Variants in SYCP2L observed in about 807,000 individuals in gnomAD.
SYCP2L encodes synaptonemal complex protein 2-like.
A neutral mutation model predicts 125.8 loss-of-function variants in SYCP2L; 98 were observed. That is an observed-to-expected ratio of 0.78 (90% CI 0.66 to 0.92). The LOEUF is 0.92. Among genes scored for constraint, SYCP2L ranks in the 40% least tolerant of loss-of-function variants. The pLI is 0.00. For missense variants in SYCP2L, 842 were observed against 936.4 expected (o/e 0.90, Z 1.32); for synonymous variants, 317 against 325.4 (o/e 0.97, Z 0.28).
At chr6:10,965,185 G>A (rs1781658520) in intron 29 of SYCP2L, among the ~76,000 whole-genome samples, 1 of 152,150 alleles carries the variant, frequency 6.6e-6, no homozygotes, top group Non-Finnish European at 1.5e-5. Context: ...GATGAGGAGA[G>A]TCCAACCAGA....
chr6:10,930,223 A>G, intron 18 of SYCP2L, 147 bp from the exon 19 acceptor site: 1 of 745,004 alleles, frequency 1.3e-6, no homozygotes. Flanking sequence ...CTTCCACTCC[A>G]TACTTCTTTG....
chr6:10,897,841 A>C (rs1047037873), intron 4 of SYCP2L, among the ~76,000 whole-genome samples, 170 bp from the exon 5 acceptor site: 1 of 152,218 alleles, frequency 6.6e-6, no homozygotes, highest in Non-Finnish European at 1.5e-5. Flanking sequence ...GTATGGCACC[A>C]TCCTGAAGTG....
At chr6:10,933,719 T>G (rs1781040555) in intron 20 of SYCP2L, among the ~76,000 whole-genome samples, 1 of 152,218 alleles carries the variant, frequency 6.6e-6, no homozygotes, top group South Asian at 2.1e-4. Flanking sequence ...CAATAGCATT[T>G]ATACCAAACT....
chr6:10,891,418 A>ATTTTTTTTTTTT (rs61237589), intron 1 of SYCP2L, 95 bp from the exon 2 acceptor site: 1 of 448,362 alleles, frequency 2.2e-6, no homozygotes, highest in Non-Finnish European at 3.7e-6. Context: ...CAAACCTTTA[A>ATTTTTTTTTTTT]TTTTTTTTTT....
intron 18 of SYCP2L, 126 bp from the exon 19 acceptor site, chr6:10,930,244 A>T: frequency 1.1e-6 from 1 of 942,822 alleles, no homozygotes; most frequent in Non-Finnish European, 1.6e-6. Context: ...CTTTTATATT[A>T]TATAAGAGAG....
chr6:10,931,196 A>G (rs561617201), intron 19 of SYCP2L, among the ~76,000 whole-genome samples: 1 of 152,336 alleles, frequency 6.6e-6, no homozygotes, highest in South Asian at 2.1e-4. Context: ...CAAGGACACA[A>G]CAAGCATGTG....
Position 10,931,445 on chromosome 6 carries a change from C to T in SYCP2L, c.1639C>T (p.Pro547Ser). Residue 547 changes from proline (P) to serine (S), a missense_variant, in exon 20 of 30, where the codon CCA becomes TCA. Pro to Ser is a moderately conservative substitution (Grantham distance 74, BLOSUM62 -1). Transcript: ENST00000283141. ...TRTRSNLRILPVFPPSSGSGH... is the reference protein window; with the variant it reads ...TRTRSNLRILSVFPPSSGSGH... ...CTTGTTTTCTTTCAATTTAGTCTTG[C>T]CAGTTTTCCCTCCCAGTAGTGGCAG... is the stretch of plus-strand genomic sequence containing the variant. 2 of 1,614,060 alleles carry T rather than the reference C, an allele frequency of 1.2e-6. No homozygotes were observed. Among genetic ancestry groups the T allele is most frequent in the Non-Finnish European group, 1.7e-6 (2 of 1,179,930 alleles).
Position 10,902,955 on chromosome 6 carries a change from T to C in SYCP2L, c.633T>C (p.Cys211=), listed in dbSNP as rs770742324. ...RKKFPLSEGM[C]HLMKDLARTL... ...AATTCCCTTTGTCAGAAGGCATGTG[T>C]CATCTTATGTAAGTGACTTTGTATA... Residue 211 remains cysteine (C), a synonymous_variant, in exon 8 of 30, where the codon TGT becomes TGC. Coordinates refer to ENST00000283141, the MANE Select transcript of SYCP2L (RefSeq NM_001040274.3). 47 of 1,613,868 alleles carry C rather than the reference T, an allele frequency of 2.9e-5. No individual in the cohort carries two copies. In the Admixed American group the frequency reaches 7.8e-4, roughly 27 times the overall value.
At chr6:10,904,459 G>C (rs2113305045) in intron 8 of SYCP2L, among the ~76,000 whole-genome samples, 1 of 152,280 alleles carries the variant, frequency 6.6e-6, no homozygotes, top group East Asian at 1.9e-4. Flanking sequence ...TGTCGTGTTT[G>C]TCCATTTAGT....
At chr6:10,922,538 T>C (rs1780817062) in intron 14 of SYCP2L, among the ~76,000 whole-genome samples, 1 of 151,118 alleles carries the variant, frequency 6.6e-6, no homozygotes. Context: ...CGATCTCAGC[T>C]CACTGCAAGC....
intron 8 of SYCP2L, among the ~76,000 whole-genome samples, chr6:10,905,388 G>C (rs951290570): frequency 3.3e-5 from 5 of 151,682 alleles, no homozygotes; most frequent in Non-Finnish European, 7.4e-5. Context: ...CGCCTCCCGG[G>C]TTCAAGAGAT....
intron 14 of SYCP2L, among the ~76,000 whole-genome samples, chr6:10,919,397 G>A (rs1471144153): frequency 1.3e-5 from 2 of 152,110 alleles, no homozygotes; most frequent in African/African-American, 4.8e-5. Flanking sequence ...GGTACTGGGG[G>A]TTGTCTGTAC....
At position 10,954,062 on chromosome 6, in the gene SYCP2L, C is replaced by T. The variant is rs1449055519; in HGVS notation, c.1955-1054C>T. Among the ~76,000 whole-genome samples, 2 of 152,198 alleles carry T rather than the reference C, an allele frequency of 1.3e-5. No homozygotes were observed. Among genetic ancestry groups the T allele is most frequent in the Non-Finnish European group, 2.9e-5 (2 of 68,032 alleles). On this transcript the variant is annotated intron_variant, in intron 23 of 29. Coordinates refer to ENST00000283141, the MANE Select transcript of SYCP2L (RefSeq NM_001040274.3). This position sits in a 1 kb window ranked among gnomAD's most constrained non-coding sequence, Gnocchi z 4.8. ...GTCTTTACCTCTCACTATCTGCCAG[C>T]CGCATCGCCCTGCCTCTCGCACATA...
chr6:10,912,496 C>T lies in SYCP2L; in HGVS notation c.919-177C>T, dbSNP rs1367936751. On this transcript the variant is annotated intron_variant, in intron 12 of 29. Transcript: ENST00000283141. The surrounding 1 kb of genome is among the most constrained non-coding windows in gnomAD (Gnocchi z 4.1). ...GGGGTGAGGAGGAAATGGCTGAGTT[C>T]TATAAAATTGAGATCCTTCTGTTTT... Among the ~76,000 whole-genome samples, 1 of 152,122 alleles carries T rather than the reference C, an allele frequency of 6.6e-6. No individual in the cohort carries two copies. Among genetic ancestry groups the T allele is most frequent in the Non-Finnish European group, 1.5e-5 (1 of 68,024 alleles).
At chr6:10,956,358 G>A (rs1479475461) in intron 25 of SYCP2L, 116 bp downstream of exon 25, 3 of 776,508 alleles carry the variant, frequency 3.9e-6, no homozygotes, top group South Asian at 3.7e-5. Context: ...TCTAAAAAAA[G>A]TTGAACTCAG....
chr6:10,921,189 T>C (rs780664760), intron 14 of SYCP2L, among the ~76,000 whole-genome samples: 4 of 152,206 alleles, frequency 2.6e-5, no homozygotes, highest in East Asian at 1.9e-4. Flanking sequence ...GCTCCATCCA[T>C]GTCCCTGCAA....
chr6:10,921,072 C>T (rs554557368), intron 14 of SYCP2L, among the ~76,000 whole-genome samples: 110 of 152,260 alleles, frequency 7.2e-4, no homozygotes, highest in African/African-American at 2.3e-3. Flanking sequence ...ATGTGTTCCC[C>T]GCAATGTGTC....
At chr6:10,956,004 G>A in intron 24 of SYCP2L, 132 bp from the exon 25 acceptor site, 1 of 671,160 alleles carries the variant, frequency 1.5e-6, no homozygotes, top group South Asian at 1.8e-5. Flanking sequence ...GTCATGTCCA[G>A]GCAGTCAGCG....
At chr6:10,937,786 A>C (rs372545568) in intron 21 of SYCP2L, among the ~76,000 whole-genome samples, 1 of 152,214 alleles carries the variant, frequency 6.6e-6, no homozygotes, top group Admixed American at 6.5e-5. Context: ...CAACAAACAA[A>C]TTATACACCA....
Sources: allele counts gnomAD v4.1 joint callset (sites outside exome capture counted in the v4.1 genomes callset), GRCh38; gene constraint gnomAD v4.1.1; non-coding constraint Gnocchi (gnomAD v3.1); transcripts MANE v1.5; gene names NCBI Gene and HGNC (gene_info 2026-07-23, HGNC 2026-07-21).